Variants in CNTNAP4 observed in about 807,000 individuals in gnomAD.
CNTNAP4 encodes the protein contactin associated protein family member 4.
A neutral mutation model predicts 148.4 loss-of-function variants in CNTNAP4; 98 were observed. That is an observed-to-expected ratio of 0.66 (90% CI 0.56 to 0.78). The LOEUF is 0.78. Ranked by LOEUF, CNTNAP4 falls within the 30% of genes least tolerant of loss-of-function variation. CNTNAP4 has a pLI of 0.00. For missense variants in CNTNAP4, 1,935 were observed against 1,565.6 expected (o/e 1.24, Z -3.98); for synonymous variants, 730 against 565.1 (o/e 1.29, Z -4.14).
chr16:76,420,527 A>G (rs1207265088), intron 3 of CNTNAP4, among the ~76,000 whole-genome samples: 1 of 151,926 alleles, frequency 6.6e-6, no homozygotes, highest in Non-Finnish European at 1.5e-5. Context: ...GGGCTGTCCC[A>G]TCTCTGGCTT....
chr16:76,544,471 A>T (rs1349175804), intron 21 of CNTNAP4, among the ~76,000 whole-genome samples: 1 of 152,162 alleles, frequency 6.6e-6, no homozygotes, highest in East Asian at 1.9e-4. Flanking sequence ...TACTCTGATG[A>T]CATGGTAACC....
At chr16:76,413,381 A>G (rs759484154) in intron 3 of CNTNAP4, among the ~76,000 whole-genome samples, 1 of 151,250 alleles carries the variant, frequency 6.6e-6, no homozygotes, top group Non-Finnish European at 1.5e-5. Context: ...ATACAGCACC[A>G]TGTATTTAAA....
intron 2 of CNTNAP4, among the ~76,000 whole-genome samples, chr16:76,319,886 T>C (rs753294437): frequency 6.6e-6 from 1 of 152,228 alleles, no homozygotes; most frequent in Non-Finnish European, 1.5e-5. Flanking sequence ...GAGAATAAAC[T>C]TGCATTCTTT....
chr16:76,370,076 A>G (rs13331248), intron 3 of CNTNAP4, among the ~76,000 whole-genome samples: 3,813 of 152,304 alleles, frequency 0.025, 130 homozygotes, highest in African/African-American at 0.085. Flanking sequence ...ATGTGGAAAT[A>G]TCAAATGAAC....
chr16:76,464,781 T>C (rs750454661), intron 9 of CNTNAP4, among the ~76,000 whole-genome samples: 1 of 152,226 alleles, frequency 6.6e-6, no homozygotes, highest in Admixed American at 6.5e-5. Flanking sequence ...ACTTCTCTTA[T>C]CCATCCATCA....
chr16:76,365,240 GT>G (rs908055695), intron 3 of CNTNAP4, among the ~76,000 whole-genome samples: 45 of 152,248 alleles, frequency 3.0e-4, no homozygotes, highest in African/African-American at 1.1e-3. Flanking sequence ...CTATATATCT[GT>G]TTTGATATCA....
rs1471952140 is a variant in CNTNAP4 at position 76,305,536 on chromosome 16, C to T, written c.86-10877C>T. On this transcript the variant is annotated intron_variant, in intron 1 of 23. Transcript: ENST00000611870. ...TTATCTAAGGCTTTTGAATTTAAGG[C>T]TCTAAATTCCCCATCCTTAATTTAG... 2.0e-5 allele frequency among the ~76,000 whole-genome samples: 3 copies of T among 152,086 alleles called. No homozygotes were observed. In the East Asian group the frequency reaches 5.8e-4, roughly 29 times the overall value.
chr16:76,329,642 A>C (rs577655957), intron 2 of CNTNAP4, among the ~76,000 whole-genome samples: 2 of 152,296 alleles, frequency 1.3e-5, no homozygotes, highest in East Asian at 3.9e-4. Flanking sequence ...TAATAATTTA[A>C]ATAGAAAGCT....
At chr16:76,384,122 C>T (rs2016274719) in intron 3 of CNTNAP4, among the ~76,000 whole-genome samples, 1 of 152,066 alleles carries the variant, frequency 6.6e-6, no homozygotes, top group Non-Finnish European at 1.5e-5. Flanking sequence ...TGGCTCGCTG[C>T]AACCTCCGCC....
At chr16:76,353,220 A>T (rs1223760156) in intron 2 of CNTNAP4, among the ~76,000 whole-genome samples, 1 of 152,166 alleles carries the variant, frequency 6.6e-6, no homozygotes, top group Non-Finnish European at 1.5e-5. Context: ...GATTCACTTG[A>T]AGAAAGATGG....
intron 10 of CNTNAP4, 111 bp from the exon 11 acceptor site, chr16:76,475,828 A>T: frequency 1.5e-6 from 1 of 668,120 alleles, no homozygotes; most frequent in Non-Finnish European, 2.7e-6. Flanking sequence ...AAGCATCATT[A>T]GTCATTATGT....
chr16:76,455,245 G>A (rs6564342), intron 8 of CNTNAP4, among the ~76,000 whole-genome samples: 66,535 of 152,022 alleles, frequency 0.44, 14,593 homozygotes, highest in Middle Eastern at 0.5. Flanking sequence ...CAAAGTTTTT[G>A]ATATCAAATT....
chr16:76,545,526 A>G (rs1366687700), intron 21 of CNTNAP4, among the ~76,000 whole-genome samples: 1 of 152,170 alleles, frequency 6.6e-6, no homozygotes. Flanking sequence ...CAATGATGTC[A>G]CCTGCAAAGC....
At chr16:76,328,642 G>T (rs1047935998) in intron 2 of CNTNAP4, among the ~76,000 whole-genome samples, 1 of 151,914 alleles carries the variant, frequency 6.6e-6, no homozygotes, top group African/African-American at 2.4e-5. Flanking sequence ...CCATATGCCT[G>T]TAAGGTGTGT....
intron 2 of CNTNAP4, among the ~76,000 whole-genome samples, chr16:76,346,271 T>A (rs1458930956): frequency 1.3e-5 from 2 of 152,060 alleles, no homozygotes; most frequent in Non-Finnish European, 2.9e-5. Context: ...GCACTTTACC[T>A]TTTTGATATA....
chr16:76,473,856 GTT>G (rs375772105), intron 10 of CNTNAP4, among the ~76,000 whole-genome samples: 5,523 of 147,746 alleles, frequency 0.037, 243 homozygotes, highest in African/African-American at 0.1. Flanking sequence ...TTTTTGTTTT[GTT>G]TTGTTTTGTT....
chr16:76,315,653 G>C (rs1445855518), intron 1 of CNTNAP4, among the ~76,000 whole-genome samples: 2 of 152,032 alleles, frequency 1.3e-5, no homozygotes, highest in African/African-American at 4.8e-5. Flanking sequence ...GGAGTGCAGT[G>C]GTGTGATCTC....
At chr16:76,456,515 T>C (rs2080737048) in intron 8 of CNTNAP4, among the ~76,000 whole-genome samples, 1 of 152,194 alleles carries the variant, frequency 6.6e-6, no homozygotes, top group South Asian at 2.1e-4. Context: ...TCTGTCTGTG[T>C]TTAGACAAGT....
chr16:76,535,506 C>T (rs368375127), intron 17 of CNTNAP4, 39 bp from the exon 18 acceptor site: 2 of 1,606,596 alleles, frequency 1.2e-6, no homozygotes, highest in African/African-American at 1.3e-5. Flanking sequence ...GAATAAAACA[C>T]CTAGGAACAT....
Sources: allele counts gnomAD v4.1 joint callset (sites outside exome capture counted in the v4.1 genomes callset), GRCh38; gene constraint gnomAD v4.1.1; transcripts MANE v1.5; gene names NCBI Gene and HGNC (gene_info 2026-07-23, HGNC 2026-07-21).